The following EGFLAM variants were observed in gnomAD, a reference collection of about 807,000 sequenced individuals.
The protein encoded by EGFLAM is pikachurin.
EGFLAM carries 79 observed loss-of-function variants against 113.1 expected under a neutral mutation model. The observed-to-expected ratio is 0.70, with a 90% CI of 0.58 to 0.84. The LOEUF (loss-of-function observed/expected upper bound fraction) is 0.84. EGFLAM is among the 40% of genes least tolerant of loss of function. EGFLAM has a pLI of 0.00. For missense variants in EGFLAM, 1,265 were observed against 1,291.6 expected (o/e 0.98, Z 0.32); for synonymous variants, 504 against 487.6 (o/e 1.03, Z -0.44).
chr5:38,288,267 C>G (rs1359901837), intron 1 of EGFLAM, among the ~76,000 whole-genome samples: 1 of 152,022 alleles, frequency 6.6e-6, no homozygotes, highest in Non-Finnish European at 1.5e-5. Flanking sequence ...TTGTATTATC[C>G]AATTTTCATG....
At position 38,338,767 on chromosome 5, in the gene EGFLAM, G is replaced by T. The variant is rs757844196; in HGVS notation, c.277G>T (p.Asp93Tyr). Residue 93 changes from aspartate to tyrosine, a missense_variant, in exon 3 of 22, where the codon GAC (aspartate) becomes TAC (tyrosine). Physicochemically the swap from Asp to Tyr is radical, Grantham distance 160. Coordinates refer to ENST00000322350, the MANE Select transcript of EGFLAM (RefSeq NM_152403.4). ...GTTGCACAGCGTGCCTCTCAGCCGG[G>T]ACATCCCGACCACGGTGAGTCTTTC... is the stretch of plus-strand genomic sequence containing the variant. The part of the protein sequence containing the change: ...EQLHSVPLSR[D>Y]IPTTEEVIGD... 1.2e-6 allele frequency: 2 copies of T among 1,614,202 alleles called. No homozygotes were observed. The highest frequency in any genetic ancestry group is 1.7e-6 in the Non-Finnish European group (2 of 1,180,028).
chr5:38,346,807 T>G, intron 3 of EGFLAM, among the ~76,000 whole-genome samples: 1 of 152,186 alleles, frequency 6.6e-6, no homozygotes, highest in South Asian at 2.1e-4. Flanking sequence ...ACCTGTTGCC[T>G]CCAGTCTCTT....
chr5:38,258,839 A>C lies in EGFLAM; in HGVS notation c.85A>C (p.Ile29Leu), dbSNP rs1397035905. 6.2e-7 allele frequency: 1 copy of C among 1,611,858 alleles called. No individual in the cohort carries two copies. ...GPGAVSLRAA[I>L]RKPGKVGPPL... The stretch of plus-strand genomic sequence containing the variant: ...CGGCGCGGTGTCGCTCCGAGCGGCC[A>C]TCCGAAAACCAGGTAATGCGCTCCT... The change falls in exon 1 of 22, where the codon ATC becomes CTC. Residue 29 changes from isoleucine to leucine, a missense_variant. Coordinates refer to ENST00000322350, the MANE Select transcript of EGFLAM (RefSeq NM_152403.4).
chr5:38,374,497 C>T lies in EGFLAM; in HGVS notation c.712+4035C>T, dbSNP rs1341079119. Among the ~76,000 whole-genome samples, 4 of 152,032 alleles carry T rather than the reference C, an allele frequency of 2.6e-5. No homozygotes were observed. In the East Asian group the frequency reaches 7.7e-4, roughly 29 times the overall value. ...GGATGGGATCACAGAACTGGTTGAGCCAGATTACCGGTCTGGGTGGTGTCA... is the reference window on the plus strand; with the variant it reads ...GGATGGGATCACAGAACTGGTTGAGTCAGATTACCGGTCTGGGTGGTGTCA... On this transcript the variant is annotated intron_variant, in intron 6 of 21. Coordinates refer to ENST00000322350, the MANE Select transcript of EGFLAM (RefSeq NM_152403.4).
intron 1 of EGFLAM, among the ~76,000 whole-genome samples, chr5:38,324,079 G>A (rs1433615700): frequency 6.7e-6 from 1 of 148,908 alleles, no homozygotes; most frequent in South Asian, 2.1e-4. Flanking sequence ...ACTTGCCCTA[G>A]CCAAAGCTTT....
At chr5:38,333,296 T>C (rs1431585201) in intron 1 of EGFLAM, among the ~76,000 whole-genome samples, 1 of 152,242 alleles carries the variant, frequency 6.6e-6, no homozygotes, top group African/African-American at 2.4e-5. Context: ...GAATGCTTTA[T>C]ATTCCTCTGG....
At chr5:38,266,733 A>G (rs368419264) in intron 1 of EGFLAM, among the ~76,000 whole-genome samples, 11 of 152,128 alleles carry the variant, frequency 7.2e-5, no homozygotes, top group African/African-American at 2.7e-4. Context: ...TTGCCTGGTA[A>G]TTGTCTTGGG....
intron 1 of EGFLAM, among the ~76,000 whole-genome samples, chr5:38,289,288 A>T (rs566607876): frequency 7.1e-6 from 1 of 140,812 alleles, no homozygotes; most frequent in African/African-American, 2.8e-5. Flanking sequence ...CCCACATTTC[A>T]GTTTCCAGGT....
chr5:38,298,403 T>C (rs918560467), intron 1 of EGFLAM, among the ~76,000 whole-genome samples: 7 of 152,190 alleles, frequency 4.6e-5, no homozygotes, highest in African/African-American at 1.7e-4. Context: ...CCTAGGGGCA[T>C]GGTGCTGTAC....
At chr5:38,273,258 A>G (rs1332578337) in intron 1 of EGFLAM, among the ~76,000 whole-genome samples, 1 of 152,190 alleles carries the variant, frequency 6.6e-6, no homozygotes, top group Non-Finnish European at 1.5e-5. Context: ...CCACAGTAAA[A>G]CCCAGCACTG....
chr5:38,447,073 C>T (rs545901680), intron 17 of EGFLAM, among the ~76,000 whole-genome samples: 54 of 152,266 alleles, frequency 3.5e-4, no homozygotes, highest in African/African-American at 1.3e-3. Context: ...ACCACCATTT[C>T]TGTATCTTTC....
intron 1 of EGFLAM, among the ~76,000 whole-genome samples, chr5:38,282,825 A>G (rs965616783): frequency 2.0e-5 from 3 of 152,076 alleles, no homozygotes; most frequent in Non-Finnish European, 4.4e-5. Flanking sequence ...CCCAACCTGC[A>G]TTGAGTTTTT....
At chr5:38,299,269 A>C (rs1758517131) in intron 1 of EGFLAM, among the ~76,000 whole-genome samples, 1 of 152,200 alleles carries the variant, frequency 6.6e-6, no homozygotes, top group Non-Finnish European at 1.5e-5. Context: ...CTGTGGAAAA[A>C]TACAACTTTT....
chr5:38,431,738 G>A (rs2561803), intron 15 of EGFLAM, among the ~76,000 whole-genome samples: 1 of 151,998 alleles, frequency 6.6e-6, no homozygotes, highest in Non-Finnish European at 1.5e-5. Context: ...AGCTCATACT[G>A]GTTACTTGAC....
chr5:38,420,110 G>A (rs1741778296), intron 12 of EGFLAM, among the ~76,000 whole-genome samples: 1 of 152,192 alleles, frequency 6.6e-6, no homozygotes, highest in South Asian at 2.1e-4. Flanking sequence ...AGGTCACACA[G>A]CTAGTAAGTG....
chr5:38,438,523 C>A (rs1452913322), intron 17 of EGFLAM, 68 bp downstream of exon 17: 9 of 1,413,562 alleles, frequency 6.4e-6, no homozygotes, highest in Non-Finnish European at 8.4e-6. Context: ...AATTGGGGGA[C>A]CACAACTCTT....
chr5:38,361,411 C>T (rs767516193), intron 5 of EGFLAM, among the ~76,000 whole-genome samples: 30 of 152,304 alleles, frequency 2.0e-4, no homozygotes, highest in African/African-American at 3.1e-4. Context: ...ATGAATGCAA[C>T]GTCTACCTTG....
rs766462794 is a variant in EGFLAM at position 38,406,927 on chromosome 5, C to T, written c.928C>T (p.Pro310Ser). The change falls in exon 8 of 22, where the codon CCC becomes TCC. Residue 310 changes from proline to serine, a missense_variant. Physicochemically the swap from Pro to Ser is moderately conservative, Grantham distance 74. Coordinates refer to ENST00000322350, the MANE Select transcript of EGFLAM (RefSeq NM_152403.4). ...CCCAAAGACCATTTCTAGGCTCATC[C>T]CCCCTACCTCAGCATCTCTCCCTGT... ...SNPKTISRLI[P>S]PTSASLPVTT... is the part of the protein sequence containing the mutation. 1.2e-6 allele frequency: 2 copies of T among 1,614,170 alleles called. No homozygotes were observed. Among genetic ancestry groups the T allele is most frequent in the Non-Finnish European group, 1.7e-6 (2 of 1,180,034 alleles).
intron 6 of EGFLAM, among the ~76,000 whole-genome samples, chr5:38,396,257 G>GGA (rs57874446): frequency 0.018 from 2,762 of 150,404 alleles, 70 homozygotes; most frequent in African/African-American, 0.062. Context: ...TCCCACAGAA[G>GGA]GAGAGAGAGA....
Sources: allele counts gnomAD v4.1 joint callset (sites outside exome capture counted in the v4.1 genomes callset), GRCh38; gene constraint gnomAD v4.1.1; transcripts MANE v1.5; gene names NCBI Gene and HGNC (gene_info 2026-07-23, HGNC 2026-07-21).